RYR3: variants seen among roughly 807,000 people sequenced by gnomAD.
The protein encoded by RYR3 is ryanodine receptor 3, also known as brain ryanodine receptor-calcium release channel.
In RYR3, 207 loss-of-function variants were observed where a neutral mutation model predicts 584.3. That is an observed-to-expected ratio of 0.35 (90% CI 0.32 to 0.40). RYR3 has a LOEUF of 0.40. RYR3 is among the 10% of genes least tolerant of loss of function. The pLI, the probability that RYR3 is intolerant of heterozygous loss-of-function variation, is 1.00. For missense variants in RYR3, 5,616 were observed against 6,089.2 expected, an observed-to-expected ratio of 0.92 and a Z score of 2.59; for synonymous variants, 2,416 against 2,248.5, an observed-to-expected ratio of 1.07 and a Z score of -2.11.
At chr15:33,732,830 C>G (rs1346690938) in intron 48 of RYR3, among the ~76,000 whole-genome samples, 1 of 152,186 alleles carries the variant, frequency 6.6e-6, no homozygotes, top group African/African-American at 2.4e-5. Flanking sequence ...GATTAGGAAT[C>G]ACTGCTGTAG....
At chr15:33,545,252 T>A (rs1208250400) in intron 8 of RYR3, among the ~76,000 whole-genome samples, 2 of 152,170 alleles carry the variant, frequency 1.3e-5, no homozygotes, top group Non-Finnish European at 2.9e-5. Context: ...TAGAAACAGC[T>A]GGACAGAAAC....
At chr15:33,740,677 C>T (rs1366302902) in intron 51 of RYR3, among the ~76,000 whole-genome samples, 3 of 152,138 alleles carry the variant, frequency 2.0e-5, no homozygotes, top group African/African-American at 7.2e-5. Flanking sequence ...ACAGTCAGCT[C>T]CAGGTGCATT....
intron 60 of RYR3, among the ~76,000 whole-genome samples, chr15:33,764,549 A>G (rs1397659422): frequency 6.6e-6 from 1 of 151,418 alleles, no homozygotes; most frequent in Non-Finnish European, 1.5e-5. Flanking sequence ...CACGTTCTGC[A>G]CATGTGTCCC....
intron 35 of RYR3, among the ~76,000 whole-genome samples, 189 bp downstream of exon 35, chr15:33,663,137 C>T (rs760172227): frequency 1.1e-4 from 17 of 152,204 alleles, no homozygotes; most frequent in Non-Finnish European, 1.9e-4. Flanking sequence ...TTGGTAATAA[C>T]AATCCAAAAC....
At chr15:33,425,789 C>T (rs891868612) in intron 1 of RYR3, among the ~76,000 whole-genome samples, 1 of 151,770 alleles carries the variant, frequency 6.6e-6, no homozygotes, top group African/African-American at 2.4e-5. Flanking sequence ...CTACAGGCGC[C>T]CGCCACCACA....
chr15:33,319,300 G>A (rs1968628610), intron 1 of RYR3, among the ~76,000 whole-genome samples: 1 of 123,448 alleles, frequency 8.1e-6, no homozygotes, highest in South Asian at 2.8e-4. Context: ...GATCCCGTTG[G>A]CTACCACATC....
chr15:33,745,003 G>A (rs926428146), intron 52 of RYR3, among the ~76,000 whole-genome samples: 1 of 152,194 alleles, frequency 6.6e-6, no homozygotes, highest in Non-Finnish European at 1.5e-5. Flanking sequence ...AGGCTGGGAG[G>A]CTGCTTAGGA....
intron 65 of RYR3, among the ~76,000 whole-genome samples, chr15:33,782,876 G>A (rs889864311): frequency 6.6e-6 from 1 of 152,050 alleles, no homozygotes; most frequent in Non-Finnish European, 1.5e-5. Flanking sequence ...ATACTGTTAT[G>A]AGTCAGTTAT....
intron 21 of RYR3, among the ~76,000 whole-genome samples, chr15:33,629,331 T>A (rs2061155883): frequency 6.6e-6 from 1 of 152,228 alleles, no homozygotes; most frequent in South Asian, 2.1e-4. Flanking sequence ...TGGATTGAGA[T>A]GTACTAAAAG....
chr15:33,631,321 A>G, intron 23 of RYR3, 28 bp downstream of exon 23: 1 of 1,401,310 alleles, frequency 7.1e-7, no homozygotes, highest in Non-Finnish European at 9.9e-7. Context: ...TAATGGTTCA[A>G]GACTTTAATG....
At chr15:33,858,757 T>TGCAGCAACATCGCCAGTTTA (rs2080001187) in intron 99 of RYR3, 1 of 152,276 alleles carries the variant, frequency 6.6e-6, no homozygotes, top group South Asian at 2.1e-4. Context: ...CCAGCTTGGC[T>TGCAGCAACATCGCCAGTTTA]GCAGCAACAT....
At chr15:33,502,855 A>G (rs925943022) in intron 2 of RYR3, among the ~76,000 whole-genome samples, 5 of 152,208 alleles carry the variant, frequency 3.3e-5, no homozygotes, top group African/African-American at 1.2e-4. Flanking sequence ...CTGGAATATT[A>G]ATAGTCCCTC....
At chr15:33,349,840 C>T (rs1167883847) in intron 1 of RYR3, among the ~76,000 whole-genome samples, 4 of 149,386 alleles carry the variant, frequency 2.7e-5, no homozygotes, top group Admixed American at 1.4e-4. Context: ...TGAGAATATG[C>T]GGTGTTTGGT....
chr15:33,496,877 G>GT (rs2142610653), intron 2 of RYR3, among the ~76,000 whole-genome samples: 1 of 151,962 alleles, frequency 6.6e-6, no homozygotes, highest in Admixed American at 6.6e-5. Context: ...TTTTTGTAAT[G>GT]TTTTTATAAA....
At chr15:33,851,173 T>TTTCTGTTTATAAAAG (rs2079083740) in intron 94 of RYR3, 1 of 152,200 alleles carries the variant, frequency 6.6e-6, no homozygotes, top group Admixed American at 6.5e-5. Flanking sequence ...TTTTCTAAAG[T>TTTCTGTTTATAAAAG]TTCTGGCTTT....
intron 31 of RYR3, 77 bp from the exon 32 acceptor site, chr15:33,652,641 T>TTTTCA: frequency 6.8e-7 from 1 of 1,470,442 alleles, no homozygotes; most frequent in Admixed American, 2.3e-5. Flanking sequence ...CCATTTTCAT[T>TTTTCA]TTTCATTTCA....
chr15:33,789,624 TTATATA>T (rs1567174689), intron 67 of RYR3, among the ~76,000 whole-genome samples: 167 of 11,684 alleles, frequency 0.014, 1 homozygote, highest in African/African-American at 0.027. Context: ...AGGTTTTATT[TTATATA>T]TATATATATA....
intron 16 of RYR3, among the ~76,000 whole-genome samples, chr15:33,598,260 AAAG>A (rs2059480320): frequency 2.0e-5 from 3 of 151,188 alleles, no homozygotes; most frequent in African/African-American, 7.3e-5. Context: ...AAAAAAAAAA[AAAG>A]ACAAGGCCTT....
chr15:33,813,743 CAAGGT>C, intron 74 of RYR3, 164 bp downstream of exon 74: 1 of 578,706 alleles, frequency 1.7e-6, no homozygotes, highest in East Asian at 2.9e-5. Context: ...CTAAGACAAT[CAAGGT>C]AAGCATAAAA....
Sources: allele counts gnomAD v4.1 joint callset (sites outside exome capture counted in the v4.1 genomes callset), GRCh38; gene constraint gnomAD v4.1.1; transcripts MANE v1.5; gene names NCBI Gene and HGNC (gene_info 2026-07-23, HGNC 2026-07-21).